The following RIN3 variants were observed in gnomAD, a reference collection of about 807,000 sequenced individuals.
The protein encoded by RIN3 is Ras and Rab interactor 3.
A neutral mutation model predicts 76.3 loss-of-function variants in RIN3; 54 were observed. The ratio of observed to expected loss-of-function variants is 0.71; its 90% CI spans 0.57 to 0.89. The LOEUF is 0.89. RIN3 is among the 40% of genes least tolerant of loss of function. The pLI is 0.00. For missense variants in RIN3, 1,256 were observed against 1,322.1 expected (o/e 0.95, Z 0.78); for synonymous variants, 576 against 564.0 (o/e 1.02, Z -0.30).
chr14:92,522,441 C>G (rs1896626284), intron 1 of RIN3, among the ~76,000 whole-genome samples: 1 of 152,156 alleles, frequency 6.6e-6, no homozygotes, highest in Admixed American at 6.5e-5. Context: ...TTTTTATCAC[C>G]CGGTGCAAGT....
At chr14:92,527,052 T>G (rs1896752730) in intron 1 of RIN3, among the ~76,000 whole-genome samples, 1 of 144,172 alleles carries the variant, frequency 6.9e-6, no homozygotes, top group South Asian at 2.3e-4. Context: ...CCATCTTTTT[T>G]TTTTTTTTTT....
At chr14:92,527,990 C>T (rs549091296) in intron 1 of RIN3, among the ~76,000 whole-genome samples, 5 of 142,616 alleles carry the variant, frequency 3.5e-5, no homozygotes, top group African/African-American at 7.9e-5. Flanking sequence ...TGGAGCCACG[C>T]GGGCAGGCTT....
chr14:92,582,389 A>G (rs11160075), intron 3 of RIN3, among the ~76,000 whole-genome samples: 91,751 of 150,882 alleles, frequency 0.61, 28,662 homozygotes, highest in Non-Finnish European at 0.68. Context: ...CTATAAATAC[A>G]CAGGTGTCAT....
chr14:92,672,770 TCATTTTTATC>T (rs1888330508), intron 7 of RIN3, among the ~76,000 whole-genome samples: 1 of 152,056 alleles, frequency 6.6e-6, no homozygotes, highest in South Asian at 2.1e-4. Context: ...CAATTCCAAA[TCATTTTTATC>T]ACCCCAAAAA....
At chr14:92,541,018 A>G (rs1350253511) in intron 1 of RIN3, among the ~76,000 whole-genome samples, 1 of 152,244 alleles carries the variant, frequency 6.6e-6, no homozygotes, top group Non-Finnish European at 1.5e-5. Context: ...ACTGGGGTTC[A>G]CATGGGAAGT....
At chr14:92,590,509 T>C (rs1403990857) in intron 3 of RIN3, among the ~76,000 whole-genome samples, 1 of 152,204 alleles carries the variant, frequency 6.6e-6, no homozygotes, top group Non-Finnish European at 1.5e-5. Flanking sequence ...CTGCTCCCAC[T>C]TCACCTTCCA....
chr14:92,561,161 A>ATATT (rs1184275760), intron 2 of RIN3, among the ~76,000 whole-genome samples: 5 of 139,620 alleles, frequency 3.6e-5, no homozygotes, highest in Non-Finnish European at 7.7e-5. Context: ...ATATATATTT[A>ATATT]TATATATATA....
chr14:92,609,988 A>G (rs1885671115), intron 3 of RIN3, among the ~76,000 whole-genome samples: 1 of 152,024 alleles, frequency 6.6e-6, no homozygotes, highest in African/African-American at 2.4e-5. Context: ...AGACGTGTTT[A>G]TTTAATGTAT....
intron 1 of RIN3, among the ~76,000 whole-genome samples, chr14:92,523,189 C>A (rs1896643997): frequency 6.6e-6 from 1 of 152,222 alleles, no homozygotes; most frequent in African/African-American, 2.4e-5. Context: ...TGGCTCACTG[C>A]AACCTCTGCC....
chr14:92,550,048 C>T (rs900511381), intron 1 of RIN3, among the ~76,000 whole-genome samples: 5 of 152,138 alleles, frequency 3.3e-5, no homozygotes, highest in Admixed American at 2.0e-4. Context: ...TTGGGCTTAG[C>T]GACGGTTCCT....
rs145480203 is a variant in RIN3, at chr14:92,664,617, G to T, written c.2335+5148G>T. ...GATCTCCTGACCTCGTGTTCTGCCC[G>T]CCTCGGCCTCCCAAAGTGCTGGGAT... On this transcript the variant is annotated intron_variant, in intron 7 of 9. Coordinates refer to ENST00000216487, the MANE Select transcript of RIN3 (RefSeq NM_024832.5). 4.6e-3 allele frequency among the ~76,000 whole-genome samples: 692 copies of T among 151,748 alleles called. 4 individuals carry two copies. Among genetic ancestry groups the T allele is most frequent in the African/African-American group, 0.016 (667 of 41,336 alleles).
intron 4 of RIN3, among the ~76,000 whole-genome samples, chr14:92,628,306 T>C (rs1886430569): frequency 6.6e-6 from 1 of 152,174 alleles, no homozygotes; most frequent in Admixed American, 6.5e-5. Context: ...CTCCAGATTC[T>C]AAACAATTTG....
chr14:92,607,851 A>G (rs977880782), intron 3 of RIN3, among the ~76,000 whole-genome samples: 9 of 152,264 alleles, frequency 5.9e-5, no homozygotes, highest in African/African-American at 1.9e-4. Flanking sequence ...GTAAAAGGCA[A>G]TGAACTGTTG....
intron 2 of RIN3, among the ~76,000 whole-genome samples, chr14:92,571,254 T>A (rs772217278): frequency 6.6e-6 from 1 of 152,222 alleles, no homozygotes; most frequent in Non-Finnish European, 1.5e-5. Flanking sequence ...GTTGCCCGAT[T>A]TGTGAATCAT....
intron 7 of RIN3, among the ~76,000 whole-genome samples, chr14:92,675,526 T>C (rs1171249155): frequency 6.6e-6 from 1 of 152,234 alleles, no homozygotes; most frequent in South Asian, 2.1e-4. Context: ...TCTGGAGACC[T>C]TTGCCTGAGC....
chr14:92,657,704 G>A (rs542539844), intron 6 of RIN3, among the ~76,000 whole-genome samples: 1 of 152,304 alleles, frequency 6.6e-6, no homozygotes, highest in South Asian at 2.1e-4. Flanking sequence ...CTCTGCCTGC[G>A]GAGGCTCCAG....
At chr14:92,663,188 T>C (rs554080570) in intron 7 of RIN3, among the ~76,000 whole-genome samples, 10 of 152,334 alleles carry the variant, frequency 6.6e-5, no homozygotes, top group African/African-American at 2.4e-4. Context: ...ATCTACATTG[T>C]GGAATGACTA....
intron 7 of RIN3, among the ~76,000 whole-genome samples, chr14:92,662,648 G>T (rs544204886): frequency 2.3e-4 from 35 of 152,288 alleles, no homozygotes; most frequent in African/African-American, 7.7e-4. Flanking sequence ...GTTTCCCCTG[G>T]GTTTGCTAGG....
chr14:92,576,240 A>C, intron 2 of RIN3: 2 of 1,284,290 alleles, frequency 1.6e-6, no homozygotes, highest in South Asian at 1.2e-5. Flanking sequence ...AGGACATTTT[A>C]AAACAGCAGA....
Sources: gnomAD v4.1 joint callset for allele counts (sites outside exome capture counted in the v4.1 genomes callset) on GRCh38, gnomAD v4.1.1 for gene constraint, MANE v1.5 for transcripts, NCBI Gene and HGNC (gene_info 2026-07-23, HGNC 2026-07-21) for gene names.